Variants in HUWE1 observed in about 807,000 individuals in gnomAD.
The protein encoded by HUWE1 is E3 ubiquitin-protein ligase HUWE1.
HUWE1 carries 18 observed loss-of-function variants against 299.4 expected under a neutral mutation model. The observed-to-expected ratio is 0.06, with a 90% CI of 0.04 to 0.09. The LOEUF (loss-of-function observed/expected upper bound fraction) is 0.09, where lower values mean the gene tolerates loss of function less well. HUWE1 is among the 10% of genes least tolerant of loss of function. The pLI, the probability that HUWE1 is intolerant of heterozygous loss-of-function variation, is 1.00. For missense variants in HUWE1, 1,832 were observed against 3,462.3 expected (o/e 0.53, Z 11.82); for synonymous variants, 1,317 against 1,286.1 (o/e 1.02, Z -0.51).
Position 53,534,942 on chromosome X carries a change from G to T in HUWE1, c.12650-245C>A, listed in dbSNP as rs58019432. Among the ~76,000 whole-genome samples the T allele has an allele frequency of 4.8e-4, 48 of 100,755 alleles. No homozygotes were observed. The East Asian group carries it at 0.013, about 27-fold the overall frequency. The allele number at this position is 100,755 out of a possible 115,157, so 87.5% of individuals were successfully genotyped here. Reference sequence around the variant, plus strand: ...TGTCCAGTGAAGTTAAGCTGGGTTTGTTTTTTTTTTTTGAGATGGAGTCTC... The same window carrying T: ...TGTCCAGTGAAGTTAAGCTGGGTTTTTTTTTTTTTTTTGAGATGGAGTCTC... On this transcript the variant is annotated intron_variant, in intron 81 of 83. Transcript: ENST00000262854.
chrX:53,634,712 C>G (rs2067093009), intron 7 of HUWE1, among the ~76,000 whole-genome samples: 1 of 112,749 alleles, frequency 8.9e-6, no homozygotes, highest in Non-Finnish European at 1.9e-5. Context: ...GCCTACTCAC[C>G]TTCCGCACTA....
At chrX:53,608,807 A>T in intron 24 of HUWE1, 45 bp downstream of exon 24, 2 of 786,664 alleles carry the variant, frequency 2.5e-6, no homozygotes, top group Non-Finnish European at 3.9e-6. Flanking sequence ...TTTCCAGAAA[A>T]GCACATATAC....
Position 53,562,853 on chromosome X carries a change from G to A in HUWE1, c.7182C>T (p.Ser2394=), listed in dbSNP as rs782040616. ...DEAPSNLSQA[S]TLQANREDSM... is the part of the protein sequence containing the mutation. ...CACCTTCTCGGTTGGCCTGCAAGGT[G>A]GAAGCTTGGCTGAGGTTGGAAGGAG... The change falls in exon 53 of 84, where the codon TCC becomes TCT. Residue 2394 remains serine, a synonymous_variant. Transcript: ENST00000262854. 2 of 1,210,912 alleles carry A rather than the reference G, an allele frequency of 1.7e-6. No individual in the cohort carries two copies. The highest frequency in any genetic ancestry group is 3.5e-5 in the South Asian group (2 of 56,960).
intron 19 of HUWE1, among the ~76,000 whole-genome samples, chrX:53,619,136 T>A (rs1367020416): frequency 3.6e-5 from 4 of 111,366 alleles, no homozygotes; most frequent in African/African-American, 6.5e-5. Flanking sequence ...ATACAGCATC[T>A]CTCCTTTATC....
intron 8 of HUWE1, among the ~76,000 whole-genome samples, chrX:53,633,126 A>T (rs2066982253): frequency 8.9e-6 from 1 of 112,444 alleles, no homozygotes; most frequent in South Asian, 3.7e-4. Flanking sequence ...GGTAGATACC[A>T]AGACAACATA....
chrX:53,566,149 A>G (rs1314350262), intron 49 of HUWE1, among the ~76,000 whole-genome samples: 11 of 94,778 alleles, frequency 1.2e-4, no homozygotes, highest in South Asian at 5.2e-4. Context: ...ATATATATAT[A>G]TATATATATA....
intron 12 of HUWE1, 122 bp downstream of exon 12, chrX:53,630,813 T>C (rs1603207756): frequency 2.0e-6 from 1 of 502,578 alleles, no homozygotes; most frequent in East Asian, 3.6e-5. Context: ...GGGGTGGAAG[T>C]ATTTAAGTTG....
chrX:53,536,008 A>G (rs782603952), intron 80 of HUWE1, 139 bp downstream of exon 80: 11 of 490,983 alleles, frequency 2.2e-5, no homozygotes, highest in Non-Finnish European at 3.7e-5. Context: ...GTCACTCACA[A>G]ACACCTGCTA....
At chrX:53,538,000 G>C (rs1240955031) in intron 77 of HUWE1, among the ~76,000 whole-genome samples, 2 of 111,867 alleles carry the variant, frequency 1.8e-5, no homozygotes, top group East Asian at 5.6e-4. Flanking sequence ...GACTCCAGGA[G>C]TGTTGTGGAA....
At chrX:53,657,266 C>T (rs2068790758) in intron 3 of HUWE1, among the ~76,000 whole-genome samples, 1 of 112,231 alleles carries the variant, frequency 8.9e-6, no homozygotes, top group African/African-American at 3.2e-5. Context: ...AGGAGCATTC[C>T]CCCTTAAATA....
At chrX:53,685,226 A>AT (rs1320609528) in intron 2 of HUWE1, among the ~76,000 whole-genome samples, 24 of 111,630 alleles carry the variant, frequency 2.1e-4, no homozygotes, top group Non-Finnish European at 2.8e-4. Flanking sequence ...ATTCTTAGCC[A>AT]TTTTTTTCCC....
intron 72 of HUWE1, among the ~76,000 whole-genome samples, chrX:53,544,216 G>A (rs1234045988): frequency 8.9e-6 from 1 of 111,813 alleles, no homozygotes; most frequent in Admixed American, 9.5e-5. Context: ...GAGGAAAGAG[G>A]TAGGGAAAAT....
intron 80 of HUWE1, 150 bp from the exon 81 acceptor site, chrX:53,535,651 G>C (rs2061007950): frequency 6.0e-6 from 3 of 503,828 alleles, no homozygotes; most frequent in Admixed American, 2.7e-5. Context: ...ACTACTCATA[G>C]CTCGCAACTC....
chrX:53,673,425 TTCCATACACACC>T (rs1163144917), intron 3 of HUWE1, among the ~76,000 whole-genome samples: 2 of 111,468 alleles, frequency 1.8e-5, no homozygotes, highest in African/African-American at 6.5e-5. Flanking sequence ...TCCATTCATG[TTCCATACACACC>T]TTATACATAC....
At chrX:53,630,627 G>C (rs1340799814) in intron 12 of HUWE1, among the ~76,000 whole-genome samples, 2 of 107,692 alleles carry the variant, frequency 1.9e-5, no homozygotes, top group African/African-American at 6.8e-5. Context: ...ACAATGGCAA[G>C]AGAAAGAGTA....
At position 53,533,229 on chromosome X, in the gene HUWE1, T is replaced by C; in HGVS notation, c.*80A>G. The C allele has an allele frequency of 4.8e-6, 3 of 620,360 alleles. No individual in the cohort carries two copies. The Admixed American group carries it at 8.3e-5, about 17-fold the overall frequency. 51.1% of individuals were successfully genotyped at this position (620,360 alleles called of 1,213,427 possible). A position where few individuals can be genotyped will look rare whatever the true frequency, so the allele number is the denominator to read the frequency against. On this transcript the variant is annotated 3_prime_UTR_variant, in exon 84 of 84. Coordinates refer to ENST00000262854, the MANE Select transcript of HUWE1 (RefSeq NM_031407.7). ...TCATTTATTGGTTTTTGACAATTTC[T>C]TTCTGGTTCTTTTTTTAACTCCCCC...
At chrX:53,566,153 A>ATATATC (rs1556945848) in intron 49 of HUWE1, among the ~76,000 whole-genome samples, 3 of 95,761 alleles carry the variant, frequency 3.1e-5, no homozygotes, top group African/African-American at 1.1e-4. Flanking sequence ...ATATATATAT[A>ATATATC]TATATATATA....
chrX:53,626,787 C>G (rs2066534286), intron 17 of HUWE1, among the ~76,000 whole-genome samples: 1 of 111,493 alleles, frequency 9.0e-6, no homozygotes, highest in Non-Finnish European at 1.9e-5. Context: ...TCAACTCAGC[C>G]TCCCAAGTAG....
Position 53,554,683 on chromosome X carries a change from C to G in HUWE1, c.8444G>C (p.Ser2815Thr). The G allele has an allele frequency of 8.3e-7, 1 of 1,211,474 alleles. No homozygotes were observed. The highest frequency in any genetic ancestry group is 1.1e-6 in the Non-Finnish European group (1 of 895,410). The change falls in exon 61 of 84, where the codon AGT (serine) becomes ACT (threonine). Residue 2815 changes from serine to threonine, a missense_variant. Coordinates refer to ENST00000262854, the MANE Select transcript of HUWE1 (RefSeq NM_031407.7). ...EPEELGPTRP[S>T]GEAETTQMEL... ...CATCTGAGTTGTTTCTGCTTCCCCACTTGGCCTTGTGGGACCCAATTCCTC... is the reference window on the plus strand; with the variant it reads ...CATCTGAGTTGTTTCTGCTTCCCCAGTTGGCCTTGTGGGACCCAATTCCTC...
Sources: gnomAD v4.1 joint callset for allele counts (sites outside exome capture counted in the v4.1 genomes callset) on GRCh38, gnomAD v4.1.1 for gene constraint, MANE v1.5 for transcripts, NCBI Gene and HGNC (gene_info 2026-07-23, HGNC 2026-07-21) for gene names.